ROBO2: variants seen among roughly 807,000 people sequenced by gnomAD.
ROBO2 encodes roundabout homolog 2.
Under a neutral mutation model 160.8 loss-of-function variants are expected in ROBO2, and 53 were observed. The ratio of observed to expected loss-of-function variants is 0.33; its 90% CI spans 0.26 to 0.41. The LOEUF is 0.41. ROBO2 is among the 10% of genes least tolerant of loss of function. The probability of loss-of-function intolerance (pLI) is 1.00; values close to 1 mark genes in which losing one functional copy is unlikely to be tolerated. For missense variants in ROBO2, 1,577 were observed against 1,722.4 expected (o/e 0.92, Z 1.49); for synonymous variants, 664 against 611.7 (o/e 1.09, Z -1.26).
chr3:77,649,771 T>A (rs1247627658), exon 26 of ROBO2: 1 of 152,172 alleles, frequency 6.6e-6, no homozygotes, highest in Admixed American at 6.5e-5. Context: ...AGACTTTTTA[T>A]ACTTTGTTTT....
intron 2 of ROBO2, among the ~76,000 whole-genome samples, chr3:77,218,532 C>T (rs1269346189): frequency 1.3e-5 from 2 of 152,018 alleles, no homozygotes; most frequent in East Asian, 3.9e-4. Flanking sequence ...ACAAGCATGC[C>T]TGGCTAATTT....
intron 5 of ROBO2, 51 bp from the exon 6 acceptor site, chr3:77,522,724 T>A: frequency 6.4e-7 from 1 of 1,566,766 alleles, no homozygotes. Flanking sequence ...CTTAATGTTA[T>A]TATCCGTATA....
At chr3:76,691,790 C>T (rs2092808182) in intron 2 of ROBO2, among the ~76,000 whole-genome samples, 3 of 151,974 alleles carry the variant, frequency 2.0e-5, no homozygotes, top group Admixed American at 6.6e-5. Flanking sequence ...AAGCGATGAC[C>T]TGAAAATGAT....
chr3:77,130,480 G>A (rs1224380602), intron 2 of ROBO2, among the ~76,000 whole-genome samples: 2 of 152,166 alleles, frequency 1.3e-5, no homozygotes, highest in Admixed American at 1.3e-4. Context: ...GCATTAAAAT[G>A]ATGTATAACA....
At chr3:77,598,523 A>C (rs866062034) in intron 19 of ROBO2, among the ~76,000 whole-genome samples, 131 of 98,688 alleles carry the variant, frequency 1.3e-3, no homozygotes, top group African/African-American at 4.4e-3. Context: ...ATATATATAT[A>C]TGTGTATATA....
intron 2 of ROBO2, among the ~76,000 whole-genome samples, chr3:77,198,161 T>G (rs752187331): frequency 6.6e-6 from 1 of 152,210 alleles, no homozygotes; most frequent in Non-Finnish European, 1.5e-5. Context: ...TGATAACCCA[T>G]AAGCATAAAG....
intron 2 of ROBO2, among the ~76,000 whole-genome samples, chr3:76,849,611 T>G (rs2069121060): frequency 6.6e-6 from 1 of 152,220 alleles, no homozygotes; most frequent in Non-Finnish European, 1.5e-5. Flanking sequence ...TATACATCAT[T>G]TTTAAAGAAT....
chr3:77,268,589 A>G (rs2059284867), intron 2 of ROBO2, among the ~76,000 whole-genome samples: 1 of 152,180 alleles, frequency 6.6e-6, no homozygotes, highest in African/African-American at 2.4e-5. Flanking sequence ...TGAATAAATG[A>G]TACTAATCAG....
chr3:76,033,105 A>G, intron 2 of ROBO2, among the ~76,000 whole-genome samples: 1 of 151,104 alleles, frequency 6.6e-6, no homozygotes, highest in Non-Finnish European at 1.5e-5. Flanking sequence ...TAACAGCAAA[A>G]AAAAAAAATG....
At chr3:76,857,226 C>T (rs1390938811) in intron 2 of ROBO2, among the ~76,000 whole-genome samples, 3 of 152,140 alleles carry the variant, frequency 2.0e-5, no homozygotes, top group Non-Finnish European at 4.4e-5. Context: ...ACCTCGTGAT[C>T]CGCCCGCCTC....
At chr3:77,019,883 T>C (rs1328034045) in intron 2 of ROBO2, among the ~76,000 whole-genome samples, 1 of 152,214 alleles carries the variant, frequency 6.6e-6, no homozygotes, top group Non-Finnish European at 1.5e-5. Context: ...GATCCCAGAT[T>C]CAGATACATT....
chr3:77,277,212 C>CTTTCTTTCTTTCTTCT (rs762489739), intron 2 of ROBO2, among the ~76,000 whole-genome samples: 10 of 80,078 alleles, frequency 1.2e-4, no homozygotes, highest in South Asian at 9.1e-4. Context: ...TTCTTTCTTT[C>CTTTCTTTCTTTCTTCT]TTCTTTCTTT....
intron 2 of ROBO2, among the ~76,000 whole-genome samples, chr3:76,691,382 G>A (rs886437118): frequency 6.6e-6 from 1 of 152,020 alleles, no homozygotes; most frequent in African/African-American, 2.4e-5. Context: ...GTGCTATCTT[G>A]AGTAAGACAG....
At chr3:75,929,814 C>T (rs1448411995) in intron 1 of ROBO2, among the ~76,000 whole-genome samples, 1 of 152,174 alleles carries the variant, frequency 6.6e-6, no homozygotes, top group African/African-American at 2.4e-5. Context: ...CCTGCCTCAG[C>T]CTCCTGAATA....
chr3:76,513,936 T>C (rs2081229200), intron 2 of ROBO2, among the ~76,000 whole-genome samples: 1 of 152,170 alleles, frequency 6.6e-6, no homozygotes, highest in Non-Finnish European at 1.5e-5. Flanking sequence ...CTACCAAAAA[T>C]GTTAACAATC....
chr3:76,650,046 C>T (rs761365227), intron 2 of ROBO2, among the ~76,000 whole-genome samples: 3 of 152,044 alleles, frequency 2.0e-5, no homozygotes, highest in Admixed American at 2.0e-4. Flanking sequence ...ACGTATTACC[C>T]ACCATATTTC....
chr3:76,946,151 C>T (rs1447751562), intron 2 of ROBO2, among the ~76,000 whole-genome samples: 3 of 152,122 alleles, frequency 2.0e-5, no homozygotes, highest in East Asian at 1.9e-4. Flanking sequence ...GTTTAGTGTA[C>T]GGCAAAGTTT....
At chr3:76,544,984 C>G (rs886323341) in intron 2 of ROBO2, among the ~76,000 whole-genome samples, 1 of 151,962 alleles carries the variant, frequency 6.6e-6, no homozygotes, top group Non-Finnish European at 1.5e-5. Flanking sequence ...TCCATCATAT[C>G]CCACACATTG....
At chr3:76,659,502 G>A (rs927977393) in intron 2 of ROBO2, among the ~76,000 whole-genome samples, 1 of 151,864 alleles carries the variant, frequency 6.6e-6, no homozygotes, top group Non-Finnish European at 1.5e-5. Context: ...CTGTTGGCCT[G>A]TGAGAATCGG....
Sources: gnomAD v4.1 joint callset for allele counts (sites outside exome capture counted in the v4.1 genomes callset) on GRCh38, gnomAD v4.1.1 for gene constraint, MANE v1.5 for transcripts, NCBI Gene and HGNC (gene_info 2026-07-23, HGNC 2026-07-21) for gene names.